C12orf50: variants seen among roughly 807,000 people sequenced by gnomAD.
C12orf50 encodes zinc finger CCCH-type containing 11D.
Under a neutral mutation model 61.6 loss-of-function variants are expected in C12orf50, and 35 were observed. The observed-to-expected ratio is 0.57, with a 90% CI of 0.43 to 0.75. C12orf50 has a LOEUF of 0.75. Among genes scored for constraint, C12orf50 ranks in the 30% least tolerant of loss-of-function variants. The probability of loss-of-function intolerance (pLI) is 0.00; values close to 1 mark genes in which losing one functional copy is unlikely to be tolerated. For synonymous variants in C12orf50, 178 were observed against 161.5 expected (o/e 1.10, Z -0.77); for missense variants, 475 against 488.5 (o/e 0.97, Z 0.26).
At chr12:87,999,829 T>G (rs2031575844) in intron 3 of C12orf50, among the ~76,000 whole-genome samples, 2 of 152,044 alleles carry the variant, frequency 1.3e-5, no homozygotes, top group South Asian at 4.2e-4. Flanking sequence ...ATCCATAGAA[T>G]GGAGTGCTAT....
intron 3 of C12orf50, among the ~76,000 whole-genome samples, chr12:88,019,493 T>C (rs780179446): frequency 5.9e-5 from 9 of 152,116 alleles, no homozygotes; most frequent in Non-Finnish European, 1.2e-4. Flanking sequence ...AGCAGACTAA[T>C]ATAGTGTGGT....
intron 3 of C12orf50, among the ~76,000 whole-genome samples, chr12:88,021,259 AAATT>A (rs1272860726): frequency 1.3e-5 from 2 of 151,748 alleles, no homozygotes; most frequent in African/African-American, 4.8e-5. Context: ...TTTTTTGAAA[AAATT>A]AATAAGAAAG....
chr12:87,985,766 A>C (rs12425301), intron 11 of C12orf50, 84 bp downstream of exon 11: 51,341 of 1,338,028 alleles, frequency 0.038, 1,212 homozygotes, highest in Non-Finnish European at 0.045. Flanking sequence ...AGTAAGTAGT[A>C]GTGAAGTTTA....
intron 7 of C12orf50, among the ~76,000 whole-genome samples, chr12:87,992,442 C>T (rs544008864): frequency 3.3e-5 from 5 of 151,864 alleles, no homozygotes; most frequent in Non-Finnish European, 5.9e-5. Context: ...GAAATGCCCA[C>T]GTTTGTTTTC....
intron 3 of C12orf50, among the ~76,000 whole-genome samples, chr12:88,001,911 T>A (rs1229194062): frequency 6.6e-6 from 1 of 151,664 alleles, no homozygotes; most frequent in African/African-American, 2.4e-5. Flanking sequence ...TAAAGATTTT[T>A]AATTTTCCTG....
intron 3 of C12orf50, among the ~76,000 whole-genome samples, chr12:88,002,516 A>C (rs997797680): frequency 3.3e-5 from 5 of 151,572 alleles, no homozygotes; most frequent in African/African-American, 1.2e-4. Flanking sequence ...CAGTTGTTCG[A>C]GTCTTTTATT....
At chr12:88,015,503 A>G (rs1423393162) in intron 3 of C12orf50, among the ~76,000 whole-genome samples, 1 of 152,242 alleles carries the variant, frequency 6.6e-6, no homozygotes, top group African/African-American at 2.4e-5. Context: ...CTAGCCAAGG[A>G]AAGATGAGCA....
intron 3 of C12orf50, among the ~76,000 whole-genome samples, chr12:88,018,702 A>G (rs1465329315): frequency 1.3e-5 from 2 of 152,196 alleles, no homozygotes; most frequent in Non-Finnish European, 2.9e-5. Context: ...GCAACCCAAG[A>G]CCATGGGACC....
intron 11 of C12orf50, chr12:87,984,173 A>C (rs538948922): frequency 4.2e-4 from 64 of 151,970 alleles, no homozygotes; most frequent in Non-Finnish European, 7.5e-4. Flanking sequence ...TGTCTTTTGG[A>C]TGCATAAATG....
At chr12:88,007,651 T>G (rs989782737) in intron 3 of C12orf50, among the ~76,000 whole-genome samples, 3 of 152,190 alleles carry the variant, frequency 2.0e-5, no homozygotes, top group African/African-American at 7.2e-5. Flanking sequence ...CTTAATCCTA[T>G]TCATATTCAA....
rs2030992344 is a variant in C12orf50 at position 87,989,123 on chromosome 12, G to A, written c.700+141C>T. 11 of 589,058 alleles carry A rather than the reference G, an allele frequency of 1.9e-5. No homozygotes were observed. The South Asian group carries it at 2.4e-4, about 13-fold the overall frequency. 36.5% of individuals were successfully genotyped at this position (589,058 alleles called of 1,614,324 possible). On this transcript the variant is annotated intron_variant, in intron 8 of 12. Coordinates refer to ENST00000298699, the MANE Select transcript of C12orf50 (RefSeq NM_152589.3). ...TACAGTTAGGGGCAGAGCCAGGACT[G>A]GAACCTTAGAGCTCTTGACTCCTAT...
At chr12:88,011,594 A>G (rs1425794817) in intron 3 of C12orf50, among the ~76,000 whole-genome samples, 1 of 152,214 alleles carries the variant, frequency 6.6e-6, no homozygotes, top group Non-Finnish European at 1.5e-5. Flanking sequence ...AAATTGGGCC[A>G]GAGAGACATT....
chr12:87,994,629 T>C lies in C12orf50; in HGVS notation c.592+4A>G. Reference sequence around the variant, plus strand: ...CAGGGTCAATCAGTAATAAATTAACTCACCTCCATTTTCAAAAGCAGCAAT... The same window carrying C: ...CAGGGTCAATCAGTAATAAATTAACCCACCTCCATTTTCAAAAGCAGCAAT... On this transcript the variant is annotated splice_donor_region_variant and intron_variant, in intron 7 of 12. Transcript: ENST00000298699. 6.3e-7 allele frequency: 1 copy of C among 1,580,176 alleles called. No individual in the cohort carries two copies.
chr12:88,025,347 G>C (rs2032662471), intron 3 of C12orf50, among the ~76,000 whole-genome samples: 1 of 152,086 alleles, frequency 6.6e-6, no homozygotes, highest in Non-Finnish European at 1.5e-5. Context: ...GAAATATGCA[G>C]AAGTTCTCTT....
At position 87,990,181 on chromosome 12, in the gene C12orf50, T is replaced by C. The variant is rs75838830; in HGVS notation, c.593-810A>G. ...AATGTTTTGTACCTAAATGTAAGAA[T>C]GTATGTTTATCATTGCTTGAAGTTA... On this transcript the variant is annotated intron_variant, in intron 7 of 12. Transcript: ENST00000298699. Among the ~76,000 whole-genome samples, 665 of 152,304 alleles carry C rather than the reference T, an allele frequency of 4.4e-3. 5 individuals are homozygous for C. The highest frequency in any genetic ancestry group is 0.015 in the African/African-American group (629 of 41,572).
intron 11 of C12orf50, 99 bp downstream of exon 11, chr12:87,985,751 A>T: frequency 2.6e-6 from 3 of 1,152,726 alleles, no homozygotes; most frequent in South Asian, 1.3e-5. Flanking sequence ...GGTAAAGAAG[A>T]GGGGAGTAAG....
At chr12:87,988,883 T>C (rs1012658554) in intron 8 of C12orf50, among the ~76,000 whole-genome samples, 3 of 152,120 alleles carry the variant, frequency 2.0e-5, no homozygotes, top group African/African-American at 7.2e-5. Context: ...AGACTAGTGT[T>C]AGCAACAATT....
At chr12:88,027,477 T>C (rs757910519) in intron 1 of C12orf50, among the ~76,000 whole-genome samples, 4 of 152,222 alleles carry the variant, frequency 2.6e-5, no homozygotes, top group Non-Finnish European at 2.9e-5. Context: ...GTGAAAATGA[T>C]TTCTATTAAT....
chr12:87,997,965 G>T (rs931002565), intron 4 of C12orf50, 70 bp downstream of exon 4: 1 of 1,285,750 alleles, frequency 7.8e-7, no homozygotes, highest in Non-Finnish European at 1.1e-6. Context: ...AACCTTTACA[G>T]TTAAACACAT....
Sources: allele counts gnomAD v4.1 joint callset (sites outside exome capture counted in the v4.1 genomes callset), GRCh38; gene constraint gnomAD v4.1.1; transcripts MANE v1.5; gene names NCBI Gene and HGNC (gene_info 2026-07-23, HGNC 2026-07-21).